The following TECRL variants were observed in gnomAD, a reference collection of about 807,000 sequenced individuals.
The protein encoded by TECRL is trans-2,3-enoyl-CoA reductase like, also known as trans-2,3-enoyl-CoA reductase-like.
A neutral mutation model predicts 52.8 loss-of-function variants in TECRL; 63 were observed. The ratio of observed to expected loss-of-function variants is 1.19; its 90% CI spans 0.97 to 1.47. TECRL has a LOEUF of 1.47. Ranked by LOEUF, TECRL falls within the 40% of genes most tolerant of loss-of-function variation. The probability of loss-of-function intolerance (pLI) is 0.00; values close to 1 mark genes in which losing one functional copy is unlikely to be tolerated. For missense variants in TECRL, 482 were observed against 429.6 expected, an observed-to-expected ratio of 1.12 and a Z score of -1.08; for synonymous variants, 164 against 141.9, an observed-to-expected ratio of 1.16 and a Z score of -1.10.
intron 8 of TECRL, among the ~76,000 whole-genome samples, chr4:64,291,739 T>C (rs1047180169): frequency 6.6e-6 from 1 of 152,016 alleles, no homozygotes; most frequent in Middle Eastern, 3.4e-3. Context: ...TGGATAGATT[T>C]ATAATAACAC....
chr4:64,389,889 A>G (rs935409279), intron 1 of TECRL, among the ~76,000 whole-genome samples: 2 of 151,876 alleles, frequency 1.3e-5, no homozygotes, highest in Non-Finnish European at 2.9e-5. Flanking sequence ...TCTTTATTAG[A>G]AAGGGAGGGC....
chr4:64,409,062 G>A, intron 1 of TECRL, 56 bp downstream of exon 1: 4 of 1,361,564 alleles, frequency 2.9e-6, no homozygotes, highest in Non-Finnish European at 4.0e-6. Context: ...AATAATATTT[G>A]GGGCAGAGAA....
chr4:64,289,784 A>G lies in TECRL; in HGVS notation c.775-17T>C. The G allele has an allele frequency of 6.5e-7, 1 of 1,535,776 alleles. No homozygotes were observed. The highest frequency in any genetic ancestry group is 1.3e-5 in the South Asian group (1 of 76,324). ...TTCACAAATCTGCAAAACATTTTAA[A>G]CACTTTCAGTGTGATACACCTCTGC... On this transcript the variant is annotated splice_polypyrimidine_tract_variant and intron_variant, in intron 8 of 11. Transcript: ENST00000381210.
Position 64,278,400 on chromosome 4 carries a change from A to T in TECRL, c.*1672T>A, listed in dbSNP as rs1171961557. Reference sequence around the variant, plus strand: ...AAAGAATTAAATTATTGTCAAAATAATGAGATTCAAGTAATTTAAATGTCA... The same window carrying T: ...AAAGAATTAAATTATTGTCAAAATATTGAGATTCAAGTAATTTAAATGTCA... On this transcript the variant is annotated 3_prime_UTR_variant, in exon 12 of 12. Coordinates refer to ENST00000381210, the MANE Select transcript of TECRL (RefSeq NM_001010874.5). 2 of 245,332 alleles carry T rather than the reference A, an allele frequency of 8.2e-6. No homozygotes were observed. Among genetic ancestry groups the T allele is most frequent in the Non-Finnish European group, 1.3e-5 (2 of 153,618 alleles). 15.2% of individuals were successfully genotyped at this position (245,332 alleles called of 1,614,324 possible).
At chr4:64,380,287 T>C (rs1204813002) in intron 1 of TECRL, among the ~76,000 whole-genome samples, 1 of 152,048 alleles carries the variant, frequency 6.6e-6, no homozygotes, top group Non-Finnish European at 1.5e-5. Context: ...TGAGGTATTT[T>C]AGTTGCTTAT....
intron 1 of TECRL, among the ~76,000 whole-genome samples, chr4:64,386,426 G>C (rs114961248): frequency 6.6e-6 from 1 of 152,072 alleles, no homozygotes; most frequent in Non-Finnish European, 1.5e-5. Flanking sequence ...TGTCTCAGGG[G>C]TGGTAGAGGT....
intron 4 of TECRL, among the ~76,000 whole-genome samples, chr4:64,316,979 T>C (rs918424837): frequency 5.9e-5 from 9 of 152,050 alleles, no homozygotes; most frequent in African/African-American, 9.7e-5. Flanking sequence ...TATGTACAAA[T>C]TGAAAAAGGT....
chr4:64,313,419 T>G (rs900213117), intron 5 of TECRL, among the ~76,000 whole-genome samples: 4 of 151,762 alleles, frequency 2.6e-5, no homozygotes, highest in Non-Finnish European at 4.4e-5. Context: ...GAAAGATTAT[T>G]TTCACAATAT....
chr4:64,308,102 A>G (rs1489084345), intron 6 of TECRL, among the ~76,000 whole-genome samples: 1 of 152,068 alleles, frequency 6.6e-6, no homozygotes, highest in Non-Finnish European at 1.5e-5. Flanking sequence ...TAGGGTTAAC[A>G]CTCCAGAGTG....
At chr4:64,395,111 G>C (rs961078858) in intron 1 of TECRL, among the ~76,000 whole-genome samples, 3 of 151,640 alleles carry the variant, frequency 2.0e-5, no homozygotes, top group Non-Finnish European at 4.4e-5. Context: ...AGATTGGCCA[G>C]GCTGGTCTAT....
At chr4:64,315,296 A>G (rs1717421871) in intron 4 of TECRL, among the ~76,000 whole-genome samples, 1 of 152,138 alleles carries the variant, frequency 6.6e-6, no homozygotes, top group Non-Finnish European at 1.5e-5. Flanking sequence ...GTCTGGTTGT[A>G]TGGTTAAAAT....
At chr4:64,407,301 T>C (rs1032418483) in intron 1 of TECRL, among the ~76,000 whole-genome samples, 1 of 152,048 alleles carries the variant, frequency 6.6e-6, no homozygotes, top group Non-Finnish European at 1.5e-5. Flanking sequence ...GAGACTCCCA[T>C]GCAAAATTGC....
chr4:64,393,368 G>C (rs774190700), intron 1 of TECRL, among the ~76,000 whole-genome samples: 19 of 151,922 alleles, frequency 1.3e-4, no homozygotes, highest in Middle Eastern at 3.2e-3. Flanking sequence ...GACTGCAAAG[G>C]GGGGGAACAT....
Position 64,395,898 on chromosome 4 carries a change from T to A in TECRL, c.234+13220A>T, listed in dbSNP as rs1322394849. On this transcript the variant is annotated intron_variant, in intron 1 of 11. Transcript: ENST00000381210. ...TGTCCATATGTAATCAATGTTTAGA[T>A]CCTATTTATAAGTAAGAACATGCAG... 2.0e-5 allele frequency among the ~76,000 whole-genome samples: 3 copies of A among 152,160 alleles called. No individual in the cohort carries two copies. The East Asian group carries it at 5.8e-4, about 29-fold the overall frequency.
At chr4:64,292,141 T>G (rs1723426099) in intron 8 of TECRL, among the ~76,000 whole-genome samples, 1 of 152,002 alleles carries the variant, frequency 6.6e-6, no homozygotes, top group South Asian at 2.1e-4. Context: ...GCTGTAAAAC[T>G]CAATGCATTG....
intron 8 of TECRL, chr4:64,299,093 TA>T (rs1197059171): frequency 3.3e-5 from 5 of 151,050 alleles, no homozygotes; most frequent in African/African-American, 1.2e-4. Context: ...GGCCAAACTA[TA>T]TGCTGAAAAG....
At chr4:64,330,517 A>G (rs1280493083) in intron 2 of TECRL, among the ~76,000 whole-genome samples, 1 of 152,112 alleles carries the variant, frequency 6.6e-6, no homozygotes, top group Non-Finnish European at 1.5e-5. Flanking sequence ...AACTTTAATT[A>G]ATCAGCTGAG....
At chr4:64,390,049 T>C (rs1723441790) in intron 1 of TECRL, among the ~76,000 whole-genome samples, 1 of 151,858 alleles carries the variant, frequency 6.6e-6, no homozygotes, top group Non-Finnish European at 1.5e-5. Flanking sequence ...GTGTATGTTC[T>C]CAAAGCTGCT....
At chr4:64,352,375 AATAGATAGATAGATAAGTGG>A (rs1287111990) in intron 2 of TECRL, among the ~76,000 whole-genome samples, 25 of 152,214 alleles carry the variant, frequency 1.6e-4, no homozygotes, top group Admixed American at 1.6e-3. Flanking sequence ...CTGAGAGAGG[AATAGATAGATAGATAAGTGG>A]ATAGATAGAT....
Sources: allele counts gnomAD v4.1 joint callset (sites outside exome capture counted in the v4.1 genomes callset), GRCh38; gene constraint gnomAD v4.1.1; transcripts MANE v1.5; gene names NCBI Gene and HGNC (gene_info 2026-07-23, HGNC 2026-07-21).